Variants in CD6 observed in about 807,000 individuals in gnomAD.
CD6 encodes the protein CD6 molecule, also known as T-cell differentiation antigen CD6.
Under a neutral mutation model 75.3 loss-of-function variants are expected in CD6, and 53 were observed. That is an observed-to-expected ratio of 0.70 (90% CI 0.56 to 0.88). The LOEUF is 0.88. CD6 is among the 40% of genes least tolerant of loss of function. CD6 has a pLI of 0.00. For synonymous variants in CD6, 359 were observed against 381.5 expected, an observed-to-expected ratio of 0.94 and a Z score of 0.69; for missense variants, 770 against 897.1, an observed-to-expected ratio of 0.86 and a Z score of 1.81.
intron 1 of CD6, among the ~76,000 whole-genome samples, chr11:60,981,111 A>G (rs904232944): frequency 3.3e-5 from 5 of 152,196 alleles, no homozygotes; most frequent in African/African-American, 1.2e-4. Flanking sequence ...CACAAAATGT[A>G]CATTTACAAG....
chr11:61,009,672 G>C lies in CD6; in HGVS notation c.882G>C (p.Trp294Cys), dbSNP rs1457698733. 2 of 1,613,970 alleles carry C rather than the reference G, an allele frequency of 1.2e-6. No homozygotes were observed. Among genetic ancestry groups the C allele is most frequent in the Non-Finnish European group, 1.7e-6 (2 of 1,180,036 alleles). Reference sequence around the variant, plus strand: ...GGAACACAGTGTGTGACAGTGAGTGGTACCCATCGGAGGCCAAGGTGCTCT... The same window carrying C: ...GGAACACAGTGTGTGACAGTGAGTGCTACCCATCGGAGGCCAAGGTGCTCT... Reference protein sequence around the residue: ...GVWNTVCDSEWYPSEAKVLCQ... With the variant: ...GVWNTVCDSECYPSEAKVLCQ... The change falls in exon 5 of 13, where the codon TGG becomes TGC. Residue 294 changes from tryptophan (W) to cysteine (C), a missense_variant. Coordinates refer to ENST00000313421, the MANE Select transcript of CD6 (RefSeq NM_006725.5).
At position 61,007,645 on chromosome 11, in the gene CD6, C is replaced by G. The variant is rs989718758; in HGVS notation, c.204C>G (p.Pro68=). ...TGCGGCTCGAGGCGTCCTGGGAGCCCGCGTGCGGGGCGCTCTGGGACAGCC... is the reference window on the plus strand; with the variant it reads ...TGCGGCTCGAGGCGTCCTGGGAGCCGGCGTGCGGGGCGCTCTGGGACAGCC... ...VEVRLEASWE[P]ACGALWDSRA... is the part of the protein sequence containing the mutation. The change falls in exon 3 of 13, where the codon CCC becomes CCG. Residue 68 remains proline (P), a synonymous_variant. Transcript: ENST00000313421. The surrounding 1 kb of genome is among the most constrained non-coding windows in gnomAD (Gnocchi z 4.2). The G allele has an allele frequency of 1.4e-5, 20 of 1,467,014 alleles. No individual in the cohort carries two copies. The highest frequency in any genetic ancestry group is 1.8e-5 in the Non-Finnish European group (20 of 1,108,692). 90.9% of individuals were successfully genotyped at this position (1,467,014 alleles called of 1,614,324 possible).
intron 1 of CD6, among the ~76,000 whole-genome samples, chr11:60,986,109 G>A (rs762654448): frequency 1.3e-5 from 2 of 152,058 alleles, no homozygotes; most frequent in Admixed American, 6.6e-5. Context: ...ACTCACCCTC[G>A]GTATCACTCC....
At position 61,007,755 on chromosome 11, in the gene CD6, C is replaced by G; in HGVS notation, c.314C>G (p.Pro105Arg). 6.9e-7 allele frequency: 1 copy of G among 1,450,138 alleles called. No individual in the cohort carries two copies. The allele number at this position is 1,450,138 out of a possible 1,614,324, so 89.8% of individuals were successfully genotyped here. Residue 105 changes from proline (P) to arginine (R), a missense_variant, in exon 3 of 13, where the codon CCG becomes CGG. Transcript: ENST00000313421. The surrounding 1 kb of genome is among the most constrained non-coding windows in gnomAD (Gnocchi z 4.2). ...CTCGCCCCGCCGACCCCTGAGCTGC[C>G]GCCCCCGCCTGCAGCCGGGAACACC... ...SQLAPPTPELPPPPAAGNTSV... is the reference protein window; with the variant it reads ...SQLAPPTPELRPPPAAGNTSV...
At chr11:61,015,603 G>T in intron 8 of CD6, 110 bp from the exon 9 acceptor site, 1 of 1,300,868 alleles carries the variant, frequency 7.7e-7, no homozygotes, top group Non-Finnish European at 1.1e-6. Context: ...GGGCTACTTG[G>T]TGCTCCCCTG....
At chr11:61,011,008 G>T (rs796569535) in intron 5 of CD6, 62 bp from the exon 6 acceptor site, 2 of 1,463,060 alleles carry the variant, frequency 1.4e-6, no homozygotes, top group Admixed American at 1.7e-5. Flanking sequence ...CTAACCCAAG[G>T]CCTGGCACAC....
chr11:60,973,587 T>C (rs1427110233), intron 1 of CD6, among the ~76,000 whole-genome samples: 1 of 152,144 alleles, frequency 6.6e-6, no homozygotes, highest in African/African-American at 2.4e-5. Context: ...AAACAAATGG[T>C]GGCAAAACCC....
intron 1 of CD6, among the ~76,000 whole-genome samples, chr11:61,002,531 T>C (rs1858633273): frequency 6.6e-6 from 1 of 152,092 alleles, no homozygotes; most frequent in Non-Finnish European, 1.5e-5. Context: ...CACTCCAGCC[T>C]GGGTGACAGA....
At chr11:61,015,019 T>C (rs1859336184) in intron 8 of CD6, among the ~76,000 whole-genome samples, 1 of 152,236 alleles carries the variant, frequency 6.6e-6, no homozygotes, top group African/African-American at 2.4e-5. Flanking sequence ...TCTAGAGGTT[T>C]AGAGCCAGAC....
intron 1 of CD6, among the ~76,000 whole-genome samples, chr11:60,996,814 T>C (rs1858321777): frequency 6.6e-6 from 1 of 152,230 alleles, no homozygotes; most frequent in African/African-American, 2.4e-5. Flanking sequence ...GCCTTGGGGA[T>C]ACTCTTCCTT....
intron 1 of CD6, among the ~76,000 whole-genome samples, chr11:60,982,191 T>C (rs1857598856): frequency 8.2e-6 from 1 of 122,334 alleles, no homozygotes; most frequent in Non-Finnish European, 1.7e-5. Context: ...CGAGGGGCCT[T>C]GGGGCTAGGG....
At chr11:60,991,635 T>G (rs1455659267) in intron 1 of CD6, among the ~76,000 whole-genome samples, 1 of 150,990 alleles carries the variant, frequency 6.6e-6, no homozygotes, top group East Asian at 1.9e-4. Context: ...GTATTGGGGG[T>G]TTTTATGGTA....
At chr11:60,978,808 T>C (rs1857460141) in intron 1 of CD6, among the ~76,000 whole-genome samples, 1 of 152,206 alleles carries the variant, frequency 6.6e-6, no homozygotes, top group Non-Finnish European at 1.5e-5. Flanking sequence ...GGGTGGTTTC[T>C]TTGCCTGCAT....
chr11:61,000,074 T>C (rs1858509086), intron 1 of CD6, among the ~76,000 whole-genome samples: 1 of 149,752 alleles, frequency 6.7e-6, no homozygotes, highest in South Asian at 2.1e-4. Flanking sequence ...AAAATAAAAA[T>C]AAATATAAAT....
At chr11:60,995,817 T>C (rs1045799332) in intron 1 of CD6, among the ~76,000 whole-genome samples, 6 of 152,200 alleles carry the variant, frequency 3.9e-5, no homozygotes, top group Non-Finnish European at 8.8e-5. Context: ...TGCTTATCTT[T>C]GGAGTCTGGG....
chr11:60,998,880 C>G (rs1266301482), intron 1 of CD6, among the ~76,000 whole-genome samples: 1 of 149,952 alleles, frequency 6.7e-6, no homozygotes, highest in African/African-American at 2.5e-5. Context: ...GAAAACAGGC[C>G]AGGCACAGTG....
rs768629911 is a variant in CD6, at chr11:61,011,142, GT to G, written c.1150+9del. 6.2e-7 allele frequency: 1 copy of G among 1,611,828 alleles called. No homozygotes were observed. The highest frequency in any genetic ancestry group is 1.1e-5 in the South Asian group (1 of 91,030). ...GTTCAGACAGTCACTATAGGTAAGT[GT>G]TGCTGGGTACTACGCGGTTTCTCAG... On this transcript the variant is annotated splice_region_variant and intron_variant, in intron 6 of 12. Transcript: ENST00000313421.
chr11:60,998,636 G>A (rs987780897), intron 1 of CD6, among the ~76,000 whole-genome samples: 6 of 152,124 alleles, frequency 3.9e-5, no homozygotes, highest in Non-Finnish European at 8.8e-5. Context: ...GAATGAGTAT[G>A]GCTTTAGCTG....
intron 1 of CD6, among the ~76,000 whole-genome samples, chr11:60,997,207 C>G (rs1858340783): frequency 6.6e-6 from 1 of 152,046 alleles, no homozygotes. Flanking sequence ...GAAACCCCAT[C>G]TCTACTAAAA....
Sources: allele counts gnomAD v4.1 joint callset (sites outside exome capture counted in the v4.1 genomes callset), GRCh38; gene constraint gnomAD v4.1.1; non-coding constraint Gnocchi (gnomAD v3.1); transcripts MANE v1.5; gene names NCBI Gene and HGNC (gene_info 2026-07-23, HGNC 2026-07-21).